Variants in LUZP2 observed in about 807,000 individuals in gnomAD.
The protein encoded by LUZP2 is leucine zipper protein 2.
A neutral mutation model predicts 51.6 loss-of-function variants in LUZP2; 52 were observed. The observed-to-expected ratio is 1.01, with a 90% CI of 0.81 to 1.27. The LOEUF (loss-of-function observed/expected upper bound fraction) is 1.27. Ranked by LOEUF, LUZP2 falls within the 50% of genes most tolerant of loss-of-function variation. LUZP2 has a pLI of 0.00. For missense variants in LUZP2, 436 were observed against 395.4 expected (o/e 1.10, Z -0.87); for synonymous variants, 154 against 137.3 (o/e 1.12, Z -0.85).
At chr11:24,632,285 C>T (rs1038670429) in intron 1 of LUZP2, among the ~76,000 whole-genome samples, 2 of 151,888 alleles carry the variant, frequency 1.3e-5, no homozygotes, top group Non-Finnish European at 2.9e-5. Flanking sequence ...CATAAAACCT[C>T]GGCATTTGAT....
At chr11:24,828,078 C>T (rs370101430) in intron 5 of LUZP2, among the ~76,000 whole-genome samples, 4 of 151,962 alleles carry the variant, frequency 2.6e-5, no homozygotes, top group East Asian at 1.9e-4. Context: ...GACACACACA[C>T]GCACAAAAGA....
At chr11:24,778,993 T>C (rs1263682584) in intron 5 of LUZP2, among the ~76,000 whole-genome samples, 1 of 152,164 alleles carries the variant, frequency 6.6e-6, no homozygotes, top group Non-Finnish European at 1.5e-5. Flanking sequence ...TGTGTTTGGA[T>C]TTGCCTAGAG....
intron 1 of LUZP2, among the ~76,000 whole-genome samples, chr11:24,664,926 G>A (rs1191648408): frequency 6.6e-6 from 1 of 152,108 alleles, no homozygotes; most frequent in Non-Finnish European, 1.5e-5. Flanking sequence ...TTCACACAGA[G>A]TCCCCATGGG....
chr11:24,869,456 T>C (rs1851991753), intron 5 of LUZP2, among the ~76,000 whole-genome samples: 2 of 152,042 alleles, frequency 1.3e-5, no homozygotes, highest in African/African-American at 2.4e-5. Flanking sequence ...CCATCATTAT[T>C]ATTATTATTA....
intron 9 of LUZP2, among the ~76,000 whole-genome samples, chr11:25,005,736 G>A (rs1278662429): frequency 6.6e-6 from 1 of 152,124 alleles, no homozygotes; most frequent in Non-Finnish European, 1.5e-5. Context: ...AACACAAAGA[G>A]GACTGAGGAA....
At chr11:24,877,144 A>G (rs923314421) in intron 5 of LUZP2, among the ~76,000 whole-genome samples, 1 of 152,196 alleles carries the variant, frequency 6.6e-6, no homozygotes, top group Non-Finnish European at 1.5e-5. Context: ...AACCCTAGCT[A>G]TCATACTTGC....
chr11:24,768,465 A>G (rs1170980419), intron 5 of LUZP2, among the ~76,000 whole-genome samples: 1 of 152,238 alleles, frequency 6.6e-6, no homozygotes, highest in African/African-American at 2.4e-5. Flanking sequence ...TGAAAGAATT[A>G]CATAGTTGGA....
intron 9 of LUZP2, among the ~76,000 whole-genome samples, chr11:24,995,052 C>T (rs187343376): frequency 6.6e-6 from 1 of 152,116 alleles, no homozygotes; most frequent in Non-Finnish European, 1.5e-5. Context: ...AATTGTATAA[C>T]TGTTATAACC....
intron 9 of LUZP2, among the ~76,000 whole-genome samples, chr11:25,021,800 G>T (rs759413838): frequency 1.3e-5 from 2 of 151,886 alleles, no homozygotes; most frequent in Admixed American, 1.3e-4. Context: ...TCTGTGAAGG[G>T]CAGTGACAAA....
chr11:25,035,579 G>A (rs578100625), intron 9 of LUZP2, among the ~76,000 whole-genome samples: 9 of 152,106 alleles, frequency 5.9e-5, no homozygotes, highest in African/African-American at 1.9e-4. Flanking sequence ...TCATTGTTTA[G>A]AAGAATCAAT....
intron 9 of LUZP2, among the ~76,000 whole-genome samples, chr11:25,023,521 G>C (rs963894013): frequency 9.2e-5 from 14 of 151,682 alleles, no homozygotes; most frequent in African/African-American, 3.4e-4. Flanking sequence ...CATCTATTTG[G>C]TTCCTCTCTC....
intron 9 of LUZP2, among the ~76,000 whole-genome samples, chr11:25,006,121 G>C (rs1856829304): frequency 1.3e-5 from 2 of 152,052 alleles, no homozygotes; most frequent in Admixed American, 1.3e-4. Flanking sequence ...TGTGCTTTGG[G>C]CAAAAATTAT....
At chr11:24,604,898 A>T (rs1853863328) in intron 1 of LUZP2, among the ~76,000 whole-genome samples, 1 of 151,840 alleles carries the variant, frequency 6.6e-6, no homozygotes, top group Admixed American at 6.6e-5. Flanking sequence ...TATGCAAAAT[A>T]ACTATTTTAT....
chr11:24,778,284 T>C (rs1365186223), intron 5 of LUZP2, among the ~76,000 whole-genome samples: 4 of 152,092 alleles, frequency 2.6e-5, no homozygotes, highest in African/African-American at 9.7e-5. Context: ...GGCATCGTGA[T>C]GCATGCCTGT....
intron 5 of LUZP2, among the ~76,000 whole-genome samples, chr11:24,850,235 C>T (rs1277304240): frequency 7.9e-5 from 12 of 151,876 alleles, no homozygotes; most frequent in Admixed American, 7.2e-4. Context: ...TAGGTTTTCT[C>T]GTAGGAGTTT....
chr11:24,900,758 T>G (rs909697649), intron 5 of LUZP2, among the ~76,000 whole-genome samples: 2 of 152,174 alleles, frequency 1.3e-5, no homozygotes, highest in African/African-American at 4.8e-5. Context: ...ACTTTCATTT[T>G]CTGTATGTCA....
At chr11:24,555,967 G>A (rs1590175760) in intron 1 of LUZP2, among the ~76,000 whole-genome samples, 2 of 152,268 alleles carry the variant, frequency 1.3e-5, no homozygotes, top group East Asian at 3.9e-4. Flanking sequence ...AACAGAGCAA[G>A]AGCCTGTCTC....
intron 1 of LUZP2, among the ~76,000 whole-genome samples, chr11:24,601,185 T>C (rs1473274659): frequency 6.6e-6 from 1 of 151,936 alleles, no homozygotes; most frequent in African/African-American, 2.4e-5. Context: ...GACATGGAGA[T>C]CTCAGTTCTA....
At chr11:24,936,150 C>T (rs929444213) in intron 7 of LUZP2, among the ~76,000 whole-genome samples, 2 of 151,998 alleles carry the variant, frequency 1.3e-5, no homozygotes, top group Admixed American at 6.6e-5. Context: ...CAGTTCAGAA[C>T]AATTTTTTAA....
Sources: allele counts gnomAD v4.1 joint callset (sites outside exome capture counted in the v4.1 genomes callset), GRCh38; gene constraint gnomAD v4.1.1; transcripts MANE v1.5; gene names NCBI Gene and HGNC (gene_info 2026-07-23, HGNC 2026-07-21).